ABCA13: variants seen among roughly 807,000 people sequenced by gnomAD.
ABCA13 encodes the protein ATP-binding cassette sub-family A member 13.
Under a neutral mutation model 478.7 loss-of-function variants are expected in ABCA13, and 476 were observed. The observed-to-expected ratio is 0.99, with a 90% confidence interval of 0.92 to 1.07. ABCA13 has a LOEUF of 1.07. Among genes scored for constraint, ABCA13 ranks in the 50% least tolerant of loss-of-function variants. The probability of loss-of-function intolerance (pLI) is 0.00; values close to 1 mark genes in which losing one functional copy is unlikely to be tolerated. For missense variants in ABCA13, 6,060 were observed against 5,910.6 expected (o/e 1.03, Z -0.83); for synonymous variants, 2,252 against 2,158.9 (o/e 1.04, Z -1.20).
intron 59 of ABCA13, among the ~76,000 whole-genome samples, chr7:48,632,729 C>G (rs1002616310): frequency 2.2e-4 from 33 of 152,100 alleles, no homozygotes; most frequent in African/African-American, 7.7e-4. Flanking sequence ...CTGATTTTTG[C>G]AAGGGTGCTA....
intron 10 of ABCA13, among the ~76,000 whole-genome samples, chr7:48,241,964 AT>A (rs1790896419): frequency 6.6e-6 from 1 of 152,150 alleles, no homozygotes; most frequent in African/African-American, 2.4e-5. Context: ...ACAGTTCCCT[AT>A]CCGGGCCATA....
At chr7:48,558,716 T>C (rs936913444) in intron 55 of ABCA13, among the ~76,000 whole-genome samples, 17 of 152,252 alleles carry the variant, frequency 1.1e-4, no homozygotes, top group African/African-American at 4.1e-4. Context: ...TGAATTTCTT[T>C]GAGTTTCCTC....
intron 58 of ABCA13, among the ~76,000 whole-genome samples, chr7:48,610,357 G>A (rs1791907708): frequency 2.0e-5 from 3 of 152,198 alleles, no homozygotes; most frequent in African/African-American, 7.2e-5. Context: ...GGGGTAGATT[G>A]CAAGGCCTTG....
chr7:48,392,246 A>G (rs1341969620), intron 38 of ABCA13, 107 bp downstream of exon 38: 6 of 1,058,510 alleles, frequency 5.7e-6, no homozygotes, highest in Non-Finnish European at 6.9e-6. Context: ...TACATTTATA[A>G]GATGAAATAA....
In ABCA13 at chr7:48,274,771, G is replaced by A. The variant is rs753718687; in HGVS notation, c.5105G>A (p.Gly1702Asp). 4 of 1,613,960 alleles carry A rather than the reference G, an allele frequency of 2.5e-6. No individual in the cohort carries two copies. The highest frequency in any genetic ancestry group is 2.2e-5 in the East Asian group (1 of 44,874). ...FFKNISSVGTGNLVVNLLVGL... is the reference protein window; with the variant it reads ...FFKNISSVGTDNLVVNLLVGL... ...AAGAATATCAGTAGTGTGGGAACTG[G>A]CAATTTAGTGGTCAATTTGCTTGTT... Residue 1702 changes from glycine (G) to aspartate (D), a missense_variant, in exon 17 of 62, where the codon GGC (glycine) becomes GAC (aspartate). By Grantham distance (94) the Gly-to-Asp change is moderately conservative. Coordinates refer to ENST00000435803, the MANE Select transcript of ABCA13 (RefSeq NM_152701.5).
chr7:48,203,264 C>G (rs541301188), intron 3 of ABCA13, among the ~76,000 whole-genome samples: 13 of 152,288 alleles, frequency 8.5e-5, no homozygotes, highest in African/African-American at 2.4e-4. Context: ...CCGCAAGCGC[C>G]GCACGCAGCC....
At chr7:48,360,405 C>A (rs947378417) in intron 31 of ABCA13, among the ~76,000 whole-genome samples, 6 of 151,800 alleles carry the variant, frequency 4.0e-5, no homozygotes, top group Admixed American at 3.9e-4. Flanking sequence ...ATAGATAGTT[C>A]TTTGATTTGG....
intron 15 of ABCA13, among the ~76,000 whole-genome samples, chr7:48,254,370 C>A (rs1270512542): frequency 2.0e-5 from 3 of 151,952 alleles, no homozygotes; most frequent in Non-Finnish European, 2.9e-5. Flanking sequence ...CTCAAGTGAT[C>A]CTTTTGTCTC....
intron 20 of ABCA13, among the ~76,000 whole-genome samples, chr7:48,294,084 TC>T (rs903104848): frequency 3.3e-5 from 5 of 152,238 alleles, no homozygotes; most frequent in East Asian, 3.9e-4. Context: ...AATTTTTTTT[TC>T]ATTTTCATAT....
At chr7:48,432,995 G>A (rs1822347476) in intron 42 of ABCA13, among the ~76,000 whole-genome samples, 2 of 152,006 alleles carry the variant, frequency 1.3e-5, no homozygotes, top group African/African-American at 2.4e-5. Flanking sequence ...GTGAGGTATT[G>A]CATATGTTGA....
At chr7:48,543,862 A>G (rs1784575512) in intron 55 of ABCA13, among the ~76,000 whole-genome samples, 4 of 146,918 alleles carry the variant, frequency 2.7e-5, no homozygotes, top group Non-Finnish European at 1.5e-5. Context: ...TGGAATATAA[A>G]TCATAATTTT....
intron 59 of ABCA13, among the ~76,000 whole-genome samples, chr7:48,619,347 C>T (rs535164007): frequency 1.4e-4 from 22 of 151,958 alleles, no homozygotes; most frequent in Non-Finnish European, 2.4e-4. Flanking sequence ...ATGCAATAGG[C>T]CACTATCTAG....
At chr7:48,234,677 G>A (rs1270030661) in intron 8 of ABCA13, among the ~76,000 whole-genome samples, 4 of 152,218 alleles carry the variant, frequency 2.6e-5, no homozygotes, top group Non-Finnish European at 4.4e-5. Flanking sequence ...CCAGTTCACT[G>A]TTGGTATTGC....
chr7:48,410,724 G>A, intron 40 of ABCA13, 47 bp downstream of exon 40: 1 of 1,576,808 alleles, frequency 6.3e-7, no homozygotes, highest in Non-Finnish European at 8.6e-7. Flanking sequence ...ATTTCTGTCT[G>A]TGGCATAAGA....
Position 48,352,514 on chromosome 7 carries a change from G to A in ABCA13, c.10688+27G>A, listed in dbSNP as rs780802504. Reference sequence around the variant, plus strand: ...TGAGTAGCCTGGGGCAGGAGCCACCGACAGTGAGAAGGGCCTTGCATTTGT... The same window carrying A: ...TGAGTAGCCTGGGGCAGGAGCCACCAACAGTGAGAAGGGCCTTGCATTTGT... On this transcript the variant is annotated intron_variant, in intron 31 of 61. Coordinates refer to ENST00000435803, the MANE Select transcript of ABCA13 (RefSeq NM_152701.5). 23 of 1,552,060 alleles carry A rather than the reference G, an allele frequency of 1.5e-5. No homozygotes were observed. In the East Asian group the frequency reaches 2.5e-4, roughly 17 times the overall value.
intron 43 of ABCA13, among the ~76,000 whole-genome samples, chr7:48,463,389 C>A (rs1409836090): frequency 6.6e-6 from 1 of 152,110 alleles, no homozygotes; most frequent in African/African-American, 2.4e-5. Flanking sequence ...TTCCTATACT[C>A]TCTCTCATTT....
chr7:48,471,504 T>C (rs775711807), intron 44 of ABCA13, 26 bp from the exon 45 acceptor site: 16 of 1,537,230 alleles, frequency 1.0e-5, no homozygotes, highest in Non-Finnish European at 1.3e-5. Context: ...TAAAAGATCA[T>C]TCCAATTCTC....
Position 48,272,694 on chromosome 7 carries a change from G to A in ABCA13, c.3028G>A (p.Ala1010Thr), listed in dbSNP as rs770574570. 1.9e-6 allele frequency: 3 copies of A among 1,611,908 alleles called. No individual in the cohort carries two copies. The highest frequency in any genetic ancestry group is 2.7e-5 in the African/African-American group (2 of 74,840). ...KQFNFQNISKAFAFLFKTAEV... is the reference protein window; with the variant it reads ...KQFNFQNISKTFAFLFKTAEV... ...ATTTAATTTCCAAAACATCAGTAAAGCATTTGCATTTTTATTTAAGACAGC... is the reference window on the plus strand; with the variant it reads ...ATTTAATTTCCAAAACATCAGTAAAACATTTGCATTTTTATTTAAGACAGC... The change falls in exon 17 of 62, where the codon GCA becomes ACA. Residue 1010 changes from alanine (A) to threonine (T), a missense_variant. By Grantham distance (58) the Ala-to-Thr change is moderately conservative (BLOSUM62 0). Around this residue, in one of 3 missense-constraint regions of ABCA13, gnomAD observed 4,423 missense variants for 4,309.1 expected, o/e 1.03. Transcript: ENST00000435803.
chr7:48,412,046 CG>C (rs1340834697), intron 40 of ABCA13, among the ~76,000 whole-genome samples: 2 of 152,260 alleles, frequency 1.3e-5, no homozygotes, highest in East Asian at 1.9e-4. Context: ...TCCCAGTGGA[CG>C]GGGGGCACTT....
Sources: allele counts gnomAD v4.1 joint callset (sites outside exome capture counted in the v4.1 genomes callset), GRCh38; gene constraint gnomAD v4.1.1; regional missense constraint gnomAD v4.1.1; transcripts MANE v1.5; gene names NCBI Gene and HGNC (gene_info 2026-07-23, HGNC 2026-07-21).